The following RIMS2 variants were observed in gnomAD, a reference collection of about 807,000 sequenced individuals.
RIMS2 encodes regulating synaptic membrane exocytosis protein 2.
Under a neutral mutation model 174.4 loss-of-function variants are expected in RIMS2, and 59 were observed. That is an observed-to-expected ratio of 0.34 (90% confidence interval 0.27 to 0.42). The LOEUF (loss-of-function observed/expected upper bound fraction) is 0.42, where lower values mean the gene tolerates loss of function less well. RIMS2 is among the 10% of genes least tolerant of loss of function. The pLI is 1.00. For synonymous variants in RIMS2, 606 were observed against 572.5 expected, an observed-to-expected ratio of 1.06 and a Z score of -0.84; for missense variants, 1,620 against 1,666.3, an observed-to-expected ratio of 0.97 and a Z score of 0.48.
chr8:103,605,394 C>A (rs1248337289), intron 1 of RIMS2, among the ~76,000 whole-genome samples: 2 of 140,762 alleles, frequency 1.4e-5, no homozygotes, highest in African/African-American at 5.6e-5. Context: ...CTGCTGGATT[C>A]GTTTTGCCAG....
At chr8:103,763,255 T>C (rs1298634992) in intron 2 of RIMS2, among the ~76,000 whole-genome samples, 2 of 152,148 alleles carry the variant, frequency 1.3e-5, no homozygotes, top group Non-Finnish European at 2.9e-5. Flanking sequence ...CTGGGCAACA[T>C]AGTGAAACCC....
intron 1 of RIMS2, among the ~76,000 whole-genome samples, chr8:103,538,665 C>T (rs1841035997): frequency 6.6e-6 from 1 of 152,134 alleles, no homozygotes; most frequent in Non-Finnish European, 1.5e-5. Context: ...TGCAGGCACC[C>T]ACCACCACGC....
intron 1 of RIMS2, among the ~76,000 whole-genome samples, chr8:103,646,147 G>A (rs904184618): frequency 3.3e-5 from 5 of 152,062 alleles, no homozygotes; most frequent in African/African-American, 1.2e-4. Context: ...GCAGGAACAG[G>A]ACATTTTCAC....
intron 2 of RIMS2, among the ~76,000 whole-genome samples, chr8:103,727,457 GT>G (rs572192757): frequency 1.7e-3 from 253 of 148,166 alleles, no homozygotes; most frequent in Admixed American, 5.7e-3. Context: ...AAGTGCAGAA[GT>G]TTTTTTTTTT....
At chr8:103,870,793 AT>A (rs1040905609) in intron 3 of RIMS2, among the ~76,000 whole-genome samples, 1 of 152,084 alleles carries the variant, frequency 6.6e-6, no homozygotes, top group Non-Finnish European at 1.5e-5. Flanking sequence ...TCCTACTTGG[AT>A]TATTGGAATA....
chr8:103,572,607 G>A (rs748899773), intron 1 of RIMS2, among the ~76,000 whole-genome samples: 21 of 151,800 alleles, frequency 1.4e-4, no homozygotes, highest in Admixed American at 4.6e-4. Context: ...TGTGACTGGT[G>A]TGAGATGTAT....
At chr8:103,698,858 G>A (rs2097136999) in intron 2 of RIMS2, among the ~76,000 whole-genome samples, 1 of 152,088 alleles carries the variant, frequency 6.6e-6, no homozygotes, top group Non-Finnish European at 1.5e-5. Context: ...TTTTTCTTTG[G>A]TTTTGGTATT....
intron 19 of RIMS2, 126 bp from the exon 26 acceptor site, chr8:104,244,789 GC>G (rs1469355700): frequency 8.8e-6 from 6 of 683,032 alleles, no homozygotes; most frequent in Non-Finnish European, 1.5e-5. Flanking sequence ...TTTTCTTTCT[GC>G]CTCCTTAACA....
At chr8:103,649,041 T>A (rs2096399852) in intron 1 of RIMS2, among the ~76,000 whole-genome samples, 1 of 152,232 alleles carries the variant, frequency 6.6e-6, no homozygotes, top group Admixed American at 6.5e-5. Context: ...ATGTCACTGA[T>A]CTGTGTACTT....
intron 19 of RIMS2, among the ~76,000 whole-genome samples, chr8:104,212,939 C>G (rs74354812): frequency 0.012 from 1,759 of 152,286 alleles, 31 homozygotes; most frequent in African/African-American, 0.041. Flanking sequence ...GCTGTCCCCT[C>G]TACCTGTAAG....
At chr8:104,003,494 A>C (rs2095465998) in intron 17 of RIMS2, among the ~76,000 whole-genome samples, 1 of 151,648 alleles carries the variant, frequency 6.6e-6, no homozygotes, top group African/African-American at 2.4e-5. Flanking sequence ...GCTCACTGCA[A>C]CCTCCACCTC....
intron 19 of RIMS2, among the ~76,000 whole-genome samples, chr8:104,100,866 T>A (rs867157263): frequency 4.3e-5 from 6 of 140,712 alleles, no homozygotes; most frequent in Non-Finnish European, 7.6e-5. Context: ...GTAATATATA[T>A]TATATATGTA....
At chr8:103,724,958 C>G (rs890317018) in intron 2 of RIMS2, among the ~76,000 whole-genome samples, 19 of 152,018 alleles carry the variant, frequency 1.2e-4, no homozygotes, top group African/African-American at 4.6e-4. Context: ...GAGTGGACCA[C>G]CCCGGCTATA....
At chr8:104,115,072 A>T (rs1430490818) in intron 19 of RIMS2, among the ~76,000 whole-genome samples, 1 of 152,112 alleles carries the variant, frequency 6.6e-6, no homozygotes, top group East Asian at 1.9e-4. Context: ...GAAGCTTAAG[A>T]TTATAAATGT....
At chr8:104,077,043 C>A (rs1017959825) in intron 19 of RIMS2, among the ~76,000 whole-genome samples, 3 of 152,090 alleles carry the variant, frequency 2.0e-5, no homozygotes, top group Admixed American at 2.0e-4. Context: ...TGGTTTTGAA[C>A]TCCTGACCTC....
At chr8:103,688,408 A>G (rs990609461) in intron 1 of RIMS2, among the ~76,000 whole-genome samples, 5 of 152,098 alleles carry the variant, frequency 3.3e-5, no homozygotes, top group Admixed American at 6.6e-5. Context: ...ATAGAATTGT[A>G]TATGTTGAAC....
At chr8:104,091,555 A>G (rs997829092) in intron 19 of RIMS2, among the ~76,000 whole-genome samples, 2 of 150,786 alleles carry the variant, frequency 1.3e-5, no homozygotes, top group African/African-American at 4.8e-5. Flanking sequence ...TTACCTTGAG[A>G]TCACATTTAC....
chr8:104,063,602 A>G (rs139342456), intron 19 of RIMS2, among the ~76,000 whole-genome samples: 1 of 152,206 alleles, frequency 6.6e-6, no homozygotes, highest in South Asian at 2.1e-4. Context: ...GACTTCCAAG[A>G]TGTCTATAAT....
intron 14 of RIMS2, among the ~76,000 whole-genome samples, chr8:103,950,566 G>C (rs372450946): frequency 1.2e-4 from 19 of 152,190 alleles, no homozygotes; most frequent in African/African-American, 4.6e-4. Flanking sequence ...TCAAGAAAGA[G>C]CATTTGATAA....
Sources: gnomAD v4.1 joint callset for allele counts (sites outside exome capture counted in the v4.1 genomes callset) on GRCh38, gnomAD v4.1.1 for gene constraint, MANE v1.5 for transcripts, NCBI Gene and HGNC (gene_info 2026-07-23, HGNC 2026-07-21) for gene names.